The following ZNF536 variants were observed in gnomAD, a reference collection of about 807,000 sequenced individuals.
ZNF536 encodes the protein zinc finger protein 536.
Under a neutral mutation model 84.5 loss-of-function variants are expected in ZNF536, and 13 were observed. That is an observed-to-expected ratio of 0.15 (90% CI 0.10 to 0.24). The LOEUF (loss-of-function observed/expected upper bound fraction) is 0.24. Ranked by LOEUF, ZNF536 falls within the 10% of genes least tolerant of loss-of-function variation. The pLI is 1.00. For missense variants in ZNF536, 1,536 were observed against 1,747.5 expected, an observed-to-expected ratio of 0.88 and a Z score of 2.16; for synonymous variants, 811 against 742.5, an observed-to-expected ratio of 1.09 and a Z score of -1.50.
chr19:30,549,635 C>A (rs2045699045), intron 4 of ZNF536, 121 bp downstream of exon 4: 8 of 1,153,888 alleles, frequency 6.9e-6, no homozygotes, highest in Middle Eastern at 3.1e-4. Flanking sequence ...TTTGAAAAAA[C>A]CCTCAATGCT....
intron 2 of ZNF536, among the ~76,000 whole-genome samples, chr19:30,491,923 G>T (rs2054526491): frequency 6.6e-6 from 1 of 151,574 alleles, no homozygotes; most frequent in East Asian, 1.9e-4. Context: ...TATATTCCTT[G>T]ATCAGTCTTG....
chr19:30,253,711 T>C (rs369999771), intron 1 of ZNF536, among the ~76,000 whole-genome samples: 2 of 152,092 alleles, frequency 1.3e-5, no homozygotes. Flanking sequence ...GGAGGCTTGG[T>C]TCCTGGGGAC....
intron 2 of ZNF536, among the ~76,000 whole-genome samples, chr19:30,310,301 G>A (rs1184370954): frequency 1.3e-5 from 2 of 152,124 alleles, no homozygotes; most frequent in African/African-American, 4.8e-5. Context: ...TATTTGTTCT[G>A]GTGTATTCTT....
intron 2 of ZNF536, among the ~76,000 whole-genome samples, chr19:30,449,788 G>C (rs756605329): frequency 3.9e-5 from 6 of 152,194 alleles, no homozygotes; most frequent in African/African-American, 7.2e-5. Flanking sequence ...AAAGCCTTGC[G>C]AGGTCTTCTT....
At chr19:30,676,412 C>T (rs1025389675) in intron 1 of ZNF536, among the ~76,000 whole-genome samples, 26 of 152,170 alleles carry the variant, frequency 1.7e-4, no homozygotes, top group African/African-American at 5.8e-4. Flanking sequence ...AAGTCACATG[C>T]CTCCATCATA....
chr19:30,486,126 A>G (rs2054293564), intron 2 of ZNF536, among the ~76,000 whole-genome samples: 1 of 152,052 alleles, frequency 6.6e-6, no homozygotes, highest in African/African-American at 2.4e-5. Context: ...TCCGGGATAC[A>G]TGTGCAGGAT....
At chr19:30,370,215 G>A (rs547399368), upstream of ZNF536, among the ~76,000 whole-genome samples, 22 of 152,308 alleles carry the variant, frequency 1.4e-4, no homozygotes, top group African/African-American at 5.3e-4. Context: ...TAGCAATGGC[G>A]ACAGCGTGGC....
At chr19:30,622,340 G>A (rs1434711949) in intron 1 of ZNF536, among the ~76,000 whole-genome samples, 1 of 152,246 alleles carries the variant, frequency 6.6e-6, no homozygotes. Flanking sequence ...TGAACCAGCA[G>A]TGTTTAGGGG....
At chr19:30,590,241 T>C (rs1329862195) in intron 1 of ZNF536, among the ~76,000 whole-genome samples, 2 of 152,124 alleles carry the variant, frequency 1.3e-5, no homozygotes, top group Non-Finnish European at 2.9e-5. Context: ...CATCCATCAA[T>C]GTTGGACATG....
intron 1 of ZNF536, among the ~76,000 whole-genome samples, chr19:30,262,497 G>T (rs1488791929): frequency 6.6e-6 from 1 of 152,236 alleles, no homozygotes; most frequent in Non-Finnish European, 1.5e-5. Flanking sequence ...GGGACTGACA[G>T]ATGGGCAGCA....
intron 1 of ZNF536, among the ~76,000 whole-genome samples, chr19:30,703,395 G>A (rs2052080260): frequency 6.6e-6 from 1 of 152,096 alleles, no homozygotes; most frequent in South Asian, 2.1e-4. Context: ...TTGGGACCTG[G>A]CCCCCAGCCA....
At chr19:30,323,219 A>C (rs955717092) in intron 2 of ZNF536, among the ~76,000 whole-genome samples, 2 of 152,166 alleles carry the variant, frequency 1.3e-5, no homozygotes, top group Non-Finnish European at 2.9e-5. Context: ...CGTGAAGGCA[A>C]ACTCTCGGCT....
upstream of ZNF536, among the ~76,000 whole-genome samples, chr19:30,227,327 C>A (rs1005592093): frequency 4.6e-5 from 7 of 152,094 alleles, no homozygotes; most frequent in Non-Finnish European, 1.0e-4. Context: ...GAGAACATGT[C>A]CACCGTTCCC....
At chr19:30,429,308 G>C (rs895777420) in intron 1 of ZNF536, among the ~76,000 whole-genome samples, 1 of 152,172 alleles carries the variant, frequency 6.6e-6, no homozygotes, top group African/African-American at 2.4e-5. Context: ...ATCACAGAGA[G>C]GATGCCTTAG....
Position 30,491,894 on chromosome 19 carries a change from G to A in ZNF536, c.2171-42953G>A, listed in dbSNP as rs78796743. On this transcript the variant is annotated intron_variant, in intron 2 of 4. Transcript: ENST00000355537. ...AAGACGTTACTCCTGATAAAATCCC[G>A]TTAGCCATAGTTCAACTTTATATTC... 6.2e-3 allele frequency among the ~76,000 whole-genome samples: 938 copies of A among 151,020 alleles called. 10 individuals carry two copies. The highest frequency in any genetic ancestry group is 0.022 in the African/African-American group (886 of 41,026).
intron 2 of ZNF536, among the ~76,000 whole-genome samples, chr19:30,496,816 CT>C (rs1185244686): frequency 1.3e-5 from 2 of 151,884 alleles, no homozygotes; most frequent in Non-Finnish European, 2.9e-5. Context: ...CGAGTAGGTG[CT>C]TTTTTTAATG....
At chr19:30,707,678 A>G (rs1419005565) in intron 1 of ZNF536, among the ~76,000 whole-genome samples, 1 of 152,166 alleles carries the variant, frequency 6.6e-6, no homozygotes, top group African/African-American at 2.4e-5. Flanking sequence ...CTTAGGGACA[A>G]CAGTAGAAAC....
intron 2 of ZNF536, among the ~76,000 whole-genome samples, chr19:30,315,138 C>T (rs187666601): frequency 4.1e-3 from 628 of 152,354 alleles, no homozygotes; most frequent in Non-Finnish European, 7.0e-3. Context: ...TTGTTCTCTG[C>T]TGTATTTTCA....
chr19:30,501,748 G>T (rs1402607084), intron 2 of ZNF536, among the ~76,000 whole-genome samples: 1 of 152,194 alleles, frequency 6.6e-6, no homozygotes, highest in African/African-American at 2.4e-5. Flanking sequence ...ACCACACAAT[G>T]GCAGGGCATG....
Sources: allele counts gnomAD v4.1 joint callset (sites outside exome capture counted in the v4.1 genomes callset), GRCh38; gene constraint gnomAD v4.1.1; transcripts MANE v1.5; gene names NCBI Gene and HGNC (gene_info 2026-07-23, HGNC 2026-07-21).